EXOC6B: variants seen among roughly 807,000 people sequenced by gnomAD.
The protein encoded by EXOC6B is SEC15 homolog B.
A neutral mutation model predicts 113.5 loss-of-function variants in EXOC6B; 54 were observed. The observed-to-expected ratio is 0.48, with a 90% confidence interval of 0.38 to 0.60. EXOC6B has a LOEUF of 0.60. Ranked by LOEUF, EXOC6B falls within the 20% of genes least tolerant of loss-of-function variation. The probability of loss-of-function intolerance (pLI) is 0.00; values close to 1 mark genes in which losing one functional copy is unlikely to be tolerated. For missense variants in EXOC6B, 797 were observed against 977.5 expected (o/e 0.82, Z 2.46); for synonymous variants, 357 against 339.0 (o/e 1.05, Z -0.58).
At chr2:72,428,435 C>T (rs1695331262) in intron 18 of EXOC6B, among the ~76,000 whole-genome samples, 1 of 152,186 alleles carries the variant, frequency 6.6e-6, no homozygotes, top group African/African-American at 2.4e-5. Context: ...GCACCTGGTC[C>T]AGTTGCAGCC....
chr2:72,484,208 CA>C lies in EXOC6B; in HGVS notation c.1666-3459del, dbSNP rs1351528769. Among the ~76,000 whole-genome samples, 7 of 149,942 alleles carry C rather than the reference CA, an allele frequency of 4.7e-5. No homozygotes were observed. In the East Asian group the frequency reaches 9.9e-4, roughly 21 times the overall value. ...ATGTGCAGAACGTGCAGGTTTGTTA[CA>C]TAGGTGTATGTATGTCATGGTGGTT... On this transcript the variant is annotated intron_variant, in intron 16 of 21. Coordinates refer to ENST00000272427, the MANE Select transcript of EXOC6B (RefSeq NM_015189.3).
chr2:72,687,512 CA>C (rs1677174498), intron 6 of EXOC6B, among the ~76,000 whole-genome samples: 2 of 151,388 alleles, frequency 1.3e-5, no homozygotes, highest in Non-Finnish European at 2.9e-5. Flanking sequence ...TCAACAGGTA[CA>C]GAAGAAAAAC....
chr2:72,370,624 A>G (rs1690938628), intron 19 of EXOC6B, among the ~76,000 whole-genome samples: 1 of 152,222 alleles, frequency 6.6e-6, no homozygotes, highest in African/African-American at 2.4e-5. Flanking sequence ...AATGTCCGAC[A>G]ATGATAGGCT....
At chr2:72,676,940 A>AC (rs1676357555) in intron 6 of EXOC6B, among the ~76,000 whole-genome samples, 1 of 152,070 alleles carries the variant, frequency 6.6e-6, no homozygotes. Flanking sequence ...TCTACCAAAA[A>AC]CCCCCAGAAC....
At chr2:72,540,537 T>C (rs938808069) in intron 8 of EXOC6B, among the ~76,000 whole-genome samples, 21 of 152,232 alleles carry the variant, frequency 1.4e-4, no homozygotes, top group Non-Finnish European at 2.9e-5. Flanking sequence ...TTCCCGAGAA[T>C]AGGATAATTG....
At chr2:72,397,631 AAAAT>A (rs1558625669) in intron 18 of EXOC6B, among the ~76,000 whole-genome samples, 1 of 115,158 alleles carries the variant, frequency 8.7e-6, no homozygotes, top group African/African-American at 4.9e-5. Context: ...AAAAAAAAAT[AAAAT>A]AAAATAAAAT....
At chr2:72,615,918 G>T (rs552417346) in intron 6 of EXOC6B, among the ~76,000 whole-genome samples, 4 of 152,214 alleles carry the variant, frequency 2.6e-5, no homozygotes, top group African/African-American at 9.6e-5. Flanking sequence ...TGATGATCCT[G>T]ACCCTATGTA....
At chr2:72,499,640 A>ATAGT (rs1359577130) in intron 12 of EXOC6B, among the ~76,000 whole-genome samples, 1 of 150,228 alleles carries the variant, frequency 6.7e-6, no homozygotes, top group Non-Finnish European at 1.5e-5. Flanking sequence ...CAATCCTCTC[A>ATAGT]CCTCTGCCCC....
At chr2:72,418,484 T>C (rs1558648310) in intron 18 of EXOC6B, among the ~76,000 whole-genome samples, 1 of 152,220 alleles carries the variant, frequency 6.6e-6, no homozygotes, top group Admixed American at 6.5e-5. Context: ...GTTTTATATA[T>C]GTTGATGGTC....
intron 3 of EXOC6B, 34 bp downstream of exon 3, chr2:72,733,037 G>C (rs752410542): frequency 6.7e-7 from 1 of 1,481,864 alleles, no homozygotes; most frequent in African/African-American, 1.4e-5. Context: ...GCATGAAACA[G>C]AAAAGATTTC....
chr2:72,809,452 A>G (rs746991663), intron 1 of EXOC6B, among the ~76,000 whole-genome samples: 3 of 152,218 alleles, frequency 2.0e-5, no homozygotes, highest in Non-Finnish European at 2.9e-5. Context: ...AATAAAGTAG[A>G]CTTCAGAACA....
intron 19 of EXOC6B, among the ~76,000 whole-genome samples, chr2:72,352,203 T>C (rs1051311743): frequency 6.6e-6 from 1 of 152,070 alleles, no homozygotes; most frequent in African/African-American, 2.4e-5. Flanking sequence ...AACAAAAACA[T>C]GGGCCTCAAT....
At position 72,379,879 on chromosome 2, in the gene EXOC6B, C is replaced by G. The variant is rs769900427; in HGVS notation, c.1981-9G>C. 33 of 1,597,676 alleles carry G rather than the reference C, an allele frequency of 2.1e-5. No homozygotes were observed. In the East Asian group the frequency reaches 7.0e-4, roughly 34 times the overall value. On this transcript the variant is annotated splice_polypyrimidine_tract_variant and intron_variant, in intron 18 of 21. Coordinates refer to ENST00000272427, the MANE Select transcript of EXOC6B (RefSeq NM_015189.3). ...GTCTGGGCCACCTTTCCCTGAAACA[C>G]AAGAGTGTAAATCATAAAGTTAATG...
At chr2:72,263,295 G>A (rs1683852986) in intron 20 of EXOC6B, 1 of 152,276 alleles carries the variant, frequency 6.6e-6, no homozygotes, top group Non-Finnish European at 1.5e-5. Flanking sequence ...TTCCATGACT[G>A]AAGACAGGTT....
At chr2:72,583,395 C>T (rs1573437501) in intron 6 of EXOC6B, among the ~76,000 whole-genome samples, 3 of 152,232 alleles carry the variant, frequency 2.0e-5, no homozygotes, top group African/African-American at 7.2e-5. Flanking sequence ...ATCATCAAGG[C>T]ATATAGTCAA....
At chr2:72,761,004 AC>A (rs1682709705) in intron 1 of EXOC6B, among the ~76,000 whole-genome samples, 1 of 151,918 alleles carries the variant, frequency 6.6e-6, no homozygotes, top group South Asian at 2.1e-4. Flanking sequence ...ACACGGCGAA[AC>A]CCCATCTCTA....
chr2:72,709,055 T>TA (rs1284102553), intron 6 of EXOC6B, among the ~76,000 whole-genome samples: 3 of 150,750 alleles, frequency 2.0e-5, no homozygotes, highest in Non-Finnish European at 4.4e-5. Context: ...TAATTAAAAT[T>TA]TAAAAAAAAA....
chr2:72,610,176 A>G (rs1001706150), intron 6 of EXOC6B, among the ~76,000 whole-genome samples: 1 of 152,234 alleles, frequency 6.6e-6, no homozygotes, highest in African/African-American at 2.4e-5. Context: ...ATCTCAGAAC[A>G]AAGCATATTA....
chr2:72,192,106 TGCCAATTCTTGGGATATGA>T (rs1341670443), intron 20 of EXOC6B, among the ~76,000 whole-genome samples: 3 of 152,106 alleles, frequency 2.0e-5, no homozygotes, highest in Non-Finnish European at 4.4e-5. Context: ...CTACCTTCGT[TGCCAATTCTTGGGATATGA>T]GCCTCATCTC....
Sources: gnomAD v4.1 joint callset for allele counts (sites outside exome capture counted in the v4.1 genomes callset) on GRCh38, gnomAD v4.1.1 for gene constraint, MANE v1.5 for transcripts, NCBI Gene and HGNC (gene_info 2026-07-23, HGNC 2026-07-21) for gene names.